Variants in MRPL13 observed in about 807,000 individuals in gnomAD.
MRPL13 encodes mitochondrial ribosomal protein L13.
A neutral mutation model predicts 29.0 loss-of-function variants in MRPL13; 33 were observed. That is an observed-to-expected ratio of 1.14 (90% confidence interval 0.86 to 1.52). The LOEUF (loss-of-function observed/expected upper bound fraction) is 1.52. Among genes scored for constraint, MRPL13 ranks in the 40% most tolerant of loss-of-function variants. The probability of loss-of-function intolerance (pLI) is 0.00; values close to 1 mark genes in which losing one functional copy is unlikely to be tolerated. For missense variants in MRPL13, 227 were observed against 216.7 expected (o/e 1.05, Z -0.30); for synonymous variants, 77 against 68.4 (o/e 1.13, Z -0.62).
At chr8:120,413,893 G>T in intron 6 of MRPL13, 98 bp downstream of exon 6, 1 of 1,343,906 alleles carries the variant, frequency 7.4e-7, no homozygotes, top group Non-Finnish European at 9.6e-7. Context: ...AAAAAAATGA[G>T]TTCACTCTTC....
At chr8:120,441,696 T>G (rs551949317) in intron 2 of MRPL13, among the ~76,000 whole-genome samples, 3 of 152,166 alleles carry the variant, frequency 2.0e-5, no homozygotes, top group African/African-American at 7.2e-5. Flanking sequence ...ATAATAGCTG[T>G]AAGAAACATA....
chr8:120,407,818 T>A (rs1393805697), intron 6 of MRPL13, among the ~76,000 whole-genome samples: 1 of 152,236 alleles, frequency 6.6e-6, no homozygotes, highest in African/African-American at 2.4e-5. Flanking sequence ...AAAATTTTTT[T>A]CTTCAATAGG....
intron 6 of MRPL13, among the ~76,000 whole-genome samples, chr8:120,412,773 A>G (rs545018985): frequency 6.6e-6 from 1 of 152,286 alleles, no homozygotes; most frequent in South Asian, 2.1e-4. Context: ...GCCCCCTTGA[A>G]GCTGACATGC....
At chr8:120,409,390 T>A (rs530398684) in intron 6 of MRPL13, among the ~76,000 whole-genome samples, 1 of 152,328 alleles carries the variant, frequency 6.6e-6, no homozygotes, top group African/African-American at 2.4e-5. Context: ...TTTTGAAACA[T>A]TTCCCTTACA....
chr8:120,403,458 T>C (rs551451665), intron 6 of MRPL13, among the ~76,000 whole-genome samples: 4 of 151,330 alleles, frequency 2.6e-5, no homozygotes, highest in Admixed American at 2.0e-4. Context: ...ACACATGGGG[T>C]TGGGGGGAAC....
At chr8:120,438,835 A>G (rs561208419) in intron 2 of MRPL13, among the ~76,000 whole-genome samples, 11 of 152,270 alleles carry the variant, frequency 7.2e-5, no homozygotes, top group African/African-American at 2.6e-4. Flanking sequence ...TGAAGAGATG[A>G]GGTGGTTAAA....
rs114223207 is a variant in MRPL13, at chr8:120,444,945, C to T, written c.27+123G>A. The T allele has an allele frequency of 1.0e-3, 1,339 of 1,288,776 alleles. 11 individuals are homozygous for T. In the African/African-American group the frequency reaches 0.016, roughly 16 times the overall value. 79.8% of individuals were successfully genotyped at this position (1,288,776 alleles called of 1,614,324 possible). A position where few individuals can be genotyped will look rare whatever the true frequency, so the allele number is the denominator to read the frequency against. ...ACGACCCTCTTGTGCTTTCCCAAGT[C>T]ACCTCTTGGCCGAGGGTCTCGGCTT... On this transcript the variant is annotated intron_variant, in intron 1 of 6. Transcript: ENST00000306185.
intron 3 of MRPL13, among the ~76,000 whole-genome samples, chr8:120,426,826 C>T (rs1053008373): frequency 2.0e-5 from 3 of 152,036 alleles, no homozygotes; most frequent in South Asian, 2.1e-4. Context: ...GAACTGGGGA[C>T]ACACAGATAA....
chr8:120,442,186 C>G (rs1438459277), intron 2 of MRPL13, among the ~76,000 whole-genome samples: 1 of 151,978 alleles, frequency 6.6e-6, no homozygotes, highest in Non-Finnish European at 1.5e-5. Flanking sequence ...CCAGAATAGT[C>G]AAAACTAAAA....
intron 6 of MRPL13, 30 bp from the exon 7 acceptor site, chr8:120,396,155 T>C (rs1406020244): frequency 2.6e-6 from 4 of 1,523,978 alleles, no homozygotes; most frequent in Admixed American, 3.7e-5. Context: ...TATTTCTTCA[T>C]GAATCATTAT....
chr8:120,437,395 TAACA>T (rs1050198779), intron 2 of MRPL13, among the ~76,000 whole-genome samples: 6 of 152,190 alleles, frequency 3.9e-5, no homozygotes, highest in African/African-American at 7.2e-5. Context: ...AGAAATATTT[TAACA>T]TAATCTAATT....
chr8:120,435,297 A>T (rs1813041023), intron 2 of MRPL13, among the ~76,000 whole-genome samples: 2 of 152,198 alleles, frequency 1.3e-5, no homozygotes, highest in South Asian at 4.1e-4. Context: ...GGTTGAATAT[A>T]CAGATTATTT....
intron 3 of MRPL13, among the ~76,000 whole-genome samples, chr8:120,425,674 A>G (rs1042525155): frequency 3.3e-5 from 5 of 152,180 alleles, no homozygotes; most frequent in Non-Finnish European, 5.9e-5. Flanking sequence ...TGATTTAACA[A>G]AGAAATAGAA....
intron 5 of MRPL13, among the ~76,000 whole-genome samples, chr8:120,418,513 C>T (rs905172933): frequency 1.1e-4 from 16 of 151,966 alleles, no homozygotes; most frequent in Admixed American, 8.5e-4. Context: ...TTTCCCCCAT[C>T]GGCTTGATAA....
chr8:120,396,773 T>C (rs1812529039), intron 6 of MRPL13, among the ~76,000 whole-genome samples: 1 of 152,234 alleles, frequency 6.6e-6, no homozygotes, highest in Non-Finnish European at 1.5e-5. Flanking sequence ...TGCAAACAAT[T>C]TGTCCTGTTA....
intron 6 of MRPL13, among the ~76,000 whole-genome samples, chr8:120,397,647 C>T (rs1812540229): frequency 6.6e-6 from 1 of 152,180 alleles, no homozygotes. Flanking sequence ...CATCCCTCCT[C>T]ACTGGGTGGT....
intron 6 of MRPL13, among the ~76,000 whole-genome samples, chr8:120,400,488 G>A (rs994311122): frequency 2.0e-5 from 3 of 152,012 alleles, no homozygotes; most frequent in Non-Finnish European, 4.4e-5. Flanking sequence ...TGTTAAGAGG[G>A]AAATTTGTAG....
intron 2 of MRPL13, among the ~76,000 whole-genome samples, chr8:120,437,122 A>G (rs1003626692): frequency 1.3e-5 from 2 of 152,188 alleles, no homozygotes; most frequent in East Asian, 3.8e-4. Flanking sequence ...ATGATATTCT[A>G]GGAGTGAGGT....
At chr8:120,411,483 C>T (rs1812738902) in intron 6 of MRPL13, among the ~76,000 whole-genome samples, 1 of 152,168 alleles carries the variant, frequency 6.6e-6, no homozygotes, top group Non-Finnish European at 1.5e-5. Context: ...TTCCTGGTCA[C>T]ACACTTTTCA....
Sources: allele counts gnomAD v4.1 joint callset (sites outside exome capture counted in the v4.1 genomes callset), GRCh38; gene constraint gnomAD v4.1.1; transcripts MANE v1.5; gene names NCBI Gene and HGNC (gene_info 2026-07-23, HGNC 2026-07-21).